CENPK: variants seen among roughly 807,000 people sequenced by gnomAD.
CENPK encodes the protein centromere protein K.
A neutral mutation model predicts 40.9 loss-of-function variants in CENPK; 46 were observed. The observed-to-expected ratio is 1.13, with a 90% CI of 0.89 to 1.44. CENPK has a LOEUF of 1.44. Among genes scored for constraint, CENPK ranks in the 40% most tolerant of loss-of-function variants. The pLI, the probability that CENPK is intolerant of heterozygous loss-of-function variation, is 0.00. For synonymous variants in CENPK, 107 were observed against 104.4 expected, an observed-to-expected ratio of 1.02 and a Z score of -0.15; for missense variants, 288 against 303.5, an observed-to-expected ratio of 0.95 and a Z score of 0.38.
intron 10 of CENPK, among the ~76,000 whole-genome samples, chr5:65,519,259 G>A (rs994263801): frequency 6.6e-6 from 1 of 152,152 alleles, no homozygotes; most frequent in Non-Finnish European, 1.5e-5. Context: ...GAAAAACAAG[G>A]TTCTGTGATC....
intron 5 of CENPK, among the ~76,000 whole-genome samples, chr5:65,544,332 T>A (rs949976658): frequency 1.6e-4 from 25 of 152,140 alleles, no homozygotes; most frequent in African/African-American, 6.0e-4. Context: ...ACATGAATTT[T>A]GGGGGATATA....
Position 65,518,351 on chromosome 5 carries a change from C to A in CENPK, c.*124G>T. On this transcript the variant is annotated 3_prime_UTR_variant, in exon 11 of 11. Transcript: ENST00000396679. ...ATAGATGGCAGCACATGCCATTTTGCAATAAAAGTAAGATGGCCTATGCGC... is the reference window on the plus strand; with the variant it reads ...ATAGATGGCAGCACATGCCATTTTGAAATAAAAGTAAGATGGCCTATGCGC... 1 of 889,044 alleles carries A rather than the reference C, an allele frequency of 1.1e-6. No individual in the cohort carries two copies. Among genetic ancestry groups the A allele is most frequent in the Non-Finnish European group, 1.7e-6 (1 of 584,576 alleles). 55.1% of individuals were successfully genotyped at this position (889,044 alleles called of 1,614,324 possible).
chr5:65,499,542 G>A, the CENPK span, among the ~76,000 whole-genome samples: 1 of 151,222 alleles, frequency 6.6e-6, no homozygotes, highest in Non-Finnish European at 1.5e-5. Context: ...TCAGCTTCTT[G>A]AATCTGTAGG....
rs141033147 is a variant in CENPK, at chr5:65,528,957, A to G, written c.432T>C (p.Ser144=). 376 of 1,600,736 alleles carry G rather than the reference A, an allele frequency of 2.3e-4. No homozygotes were observed. Among genetic ancestry groups the G allele is most frequent in the Non-Finnish European group, 1.1e-4 (125 of 1,173,182 alleles). ...ATGTTTCAACCTTATTTTTCAATTC[A>G]CTGTGTAGTACATTAAGAGATTCCA... is the stretch of plus-strand genomic sequence containing the variant. ...QIMESLNVLH[S]ELKNKVETFS... The change falls in exon 8 of 11, where the codon AGT becomes AGC. Residue 144 remains serine, a synonymous_variant. Transcript: ENST00000396679.
At chr5:65,505,833 T>C in the CENPK span, among the ~76,000 whole-genome samples, 1 of 152,250 alleles carries the variant, frequency 6.6e-6, no homozygotes, top group Non-Finnish European at 1.5e-5. Context: ...CAAACTTCTA[T>C]GTGACATATG....
At chr5:65,502,688 G>A in the CENPK span, among the ~76,000 whole-genome samples, 3 of 152,096 alleles carry the variant, frequency 2.0e-5, no homozygotes, top group Non-Finnish European at 2.9e-5. Context: ...TGAGATCACT[G>A]CAGCCTCAAA....
In CENPK at chr5:65,563,097, C is replaced by G; in HGVS notation, c.-142+1G>C. The G allele has an allele frequency of 1.8e-6, 1 of 554,178 alleles. No individual in the cohort carries two copies. The highest frequency in any genetic ancestry group is 3.2e-6 in the Non-Finnish European group (1 of 316,968). The allele number at this position is 554,178 out of a possible 1,614,324, so 34.3% of individuals were successfully genotyped here. On this transcript the variant is annotated splice_donor_variant, in intron 1 of 10. Coordinates refer to ENST00000396679, the MANE Select transcript of CENPK (RefSeq NM_022145.5). LOFTEE classifies it low-confidence loss of function (5UTR_SPLICE). ...ATCAACCTCCCCGGCCCAGGTCTTA[C>G]CATCACAGCGTCACAAACTCCAGGT...
At chr5:65,524,043 A>T (rs1744223852) in intron 9 of CENPK, among the ~76,000 whole-genome samples, 1 of 152,176 alleles carries the variant, frequency 6.6e-6, no homozygotes, top group Non-Finnish European at 1.5e-5. Flanking sequence ...CTTGTCAAAG[A>T]AACTCATCAA....
intron 5 of CENPK, among the ~76,000 whole-genome samples, chr5:65,547,676 T>C (rs983002192): frequency 3.9e-5 from 6 of 152,146 alleles, no homozygotes; most frequent in Non-Finnish European, 7.3e-5. Flanking sequence ...AATTTCTTTT[T>C]TTTTTTGAAA....
At chr5:65,520,611 T>C (rs1743558905) in intron 10 of CENPK, among the ~76,000 whole-genome samples, 1 of 152,204 alleles carries the variant, frequency 6.6e-6, no homozygotes, top group South Asian at 2.1e-4. Flanking sequence ...ATTACGAATC[T>C]AATAAATATT....
rs777142009 is a variant in CENPK, at chr5:65,518,459, A to T, written c.*16T>A. On this transcript the variant is annotated 3_prime_UTR_variant, in exon 11 of 11. Coordinates refer to ENST00000396679, the MANE Select transcript of CENPK (RefSeq NM_022145.5). ...ATGATAAGAATTTTTACTGTGTGAA[A>T]AAAGAAAACATCCTTTTACTGATGG... 6.2e-7 allele frequency: 1 copy of T among 1,601,678 alleles called. No homozygotes were observed. Among genetic ancestry groups the T allele is most frequent in the Admixed American group, 1.8e-5 (1 of 55,694 alleles).
At chr5:65,532,907 C>A (rs1319784036) in intron 6 of CENPK, among the ~76,000 whole-genome samples, 2 of 8,444 alleles carry the variant, frequency 2.4e-4, no homozygotes, top group South Asian at 0.014. Flanking sequence ...GAAACTCCAT[C>A]TCCAAAAAAA....
At chr5:65,508,374 C>T in the CENPK span, among the ~76,000 whole-genome samples, 1 of 152,226 alleles carries the variant, frequency 6.6e-6, no homozygotes, top group Non-Finnish European at 1.5e-5. Context: ...TTGTAATTTT[C>T]TATCACTATG....
chr5:65,530,955 T>C (rs1580944209), intron 6 of CENPK, among the ~76,000 whole-genome samples: 1 of 151,592 alleles, frequency 6.6e-6, no homozygotes, highest in East Asian at 1.9e-4. Flanking sequence ...TCCAAGAAAG[T>C]GGGAAAAGAA....
At position 65,554,688 on chromosome 5, in the gene CENPK, A is replaced by G. The variant is rs1229043305; in HGVS notation, c.111+109T>C. 5.8e-6 allele frequency: 4 copies of G among 686,550 alleles called. No homozygotes were observed. The Admixed American group carries it at 7.5e-5, about 13-fold the overall frequency. 42.5% of individuals were successfully genotyped at this position (686,550 alleles called of 1,614,324 possible). A position where few individuals can be genotyped will look rare whatever the true frequency, so the allele number is the denominator to read the frequency against. ...TAAAAGCTATATAAATATTTATCAT[A>G]CATAATGGCTTTTGGAAACTAGCAC... On this transcript the variant is annotated intron_variant, in intron 3 of 10. Transcript: ENST00000396679.
intron 10 of CENPK, among the ~76,000 whole-genome samples, chr5:65,521,103 T>C (rs1281416488): frequency 6.6e-6 from 1 of 152,044 alleles, no homozygotes; most frequent in Non-Finnish European, 1.5e-5. Flanking sequence ...AGTACAGAGC[T>C]ACCAATTAAA....
the CENPK span, among the ~76,000 whole-genome samples, chr5:65,510,506 G>A: frequency 6.6e-6 from 1 of 152,174 alleles, no homozygotes; most frequent in Non-Finnish European, 1.5e-5. Flanking sequence ...CGGGCACGGT[G>A]GCTAACGCCT....
At chr5:65,551,381 G>T in intron 5 of CENPK, 183 bp downstream of exon 5, 4 of 470,328 alleles carry the variant, frequency 8.5e-6, no homozygotes, top group Non-Finnish European at 1.5e-5. Flanking sequence ...TGTAAGATAT[G>T]TTTATCAATA....
intron 8 of CENPK, 72 bp downstream of exon 8, chr5:65,528,847 A>C: frequency 9.8e-7 from 1 of 1,016,262 alleles, no homozygotes; most frequent in Non-Finnish European, 1.4e-6. Context: ...ATTTAACTTC[A>C]TCTATGTTTC....
Sources: gnomAD v4.1 joint callset for allele counts (sites outside exome capture counted in the v4.1 genomes callset) on GRCh38, gnomAD v4.1.1 for gene constraint, MANE v1.5 for transcripts, NCBI Gene and HGNC (gene_info 2026-07-23, HGNC 2026-07-21) for gene names.